The following ROBO1 variants were observed in gnomAD, a reference collection of about 807,000 sequenced individuals.
ROBO1 encodes the protein roundabout homolog 1.
A neutral mutation model predicts 195.9 loss-of-function variants in ROBO1; 149 were observed. The ratio of observed to expected loss-of-function variants is 0.76; its 90% CI spans 0.67 to 0.87. The LOEUF (loss-of-function observed/expected upper bound fraction) is 0.87. Ranked by LOEUF, ROBO1 falls within the 40% of genes least tolerant of loss-of-function variation. The pLI is 0.00. For missense variants in ROBO1, 1,933 were observed against 2,068.3 expected, an observed-to-expected ratio of 0.93 and a Z score of 1.27; for synonymous variants, 816 against 733.2, an observed-to-expected ratio of 1.11 and a Z score of -1.82.
At chr3:79,192,179 C>T (rs968275793) in intron 2 of ROBO1, among the ~76,000 whole-genome samples, 7 of 151,542 alleles carry the variant, frequency 4.6e-5, no homozygotes, top group African/African-American at 1.7e-4. Context: ...TAGTAGTAAT[C>T]TTTATGCTGC....
At chr3:78,950,756 C>T (rs2040735669) in intron 3 of ROBO1, among the ~76,000 whole-genome samples, 3 of 151,208 alleles carry the variant, frequency 2.0e-5, no homozygotes, top group African/African-American at 7.3e-5. Context: ...TCCCCATGCA[C>T]AGAATATCCA....
intron 1 of ROBO1, among the ~76,000 whole-genome samples, chr3:79,686,924 A>T (rs892829749): frequency 6.6e-5 from 10 of 152,200 alleles, no homozygotes; most frequent in Non-Finnish European, 1.5e-4. Context: ...ATCCTGAACC[A>T]AAAGAACAAA....
At chr3:79,060,494 T>G (rs1031730169) in intron 3 of ROBO1, among the ~76,000 whole-genome samples, 2 of 151,948 alleles carry the variant, frequency 1.3e-5, no homozygotes, top group Non-Finnish European at 2.9e-5. Flanking sequence ...AGCTGTAAAA[T>G]TTCTCTTTTT....
chr3:79,409,869 C>T (rs902195191), intron 2 of ROBO1, among the ~76,000 whole-genome samples: 2 of 152,100 alleles, frequency 1.3e-5, no homozygotes, highest in Admixed American at 1.3e-4. Context: ...ACTGGTTTAT[C>T]ACAATTGCTG....
intron 2 of ROBO1, among the ~76,000 whole-genome samples, chr3:79,350,520 A>G (rs192617143): frequency 3.3e-4 from 51 of 152,344 alleles, no homozygotes; most frequent in African/African-American, 9.6e-4. Flanking sequence ...ATAATAGAGA[A>G]AAGGTAGAAA....
chr3:79,433,857 T>C (rs533485858), intron 2 of ROBO1, among the ~76,000 whole-genome samples: 2 of 152,258 alleles, frequency 1.3e-5, no homozygotes, highest in Non-Finnish European at 2.9e-5. Flanking sequence ...AACAGAGATA[T>C]AGACCAATGG....
At chr3:78,955,726 C>T (rs534167916) in intron 3 of ROBO1, among the ~76,000 whole-genome samples, 3 of 152,170 alleles carry the variant, frequency 2.0e-5, no homozygotes, top group South Asian at 4.1e-4. Context: ...CTAATGTCTG[C>T]AAGATAGCAT....
At chr3:79,583,911 A>G (rs1943737243) in intron 2 of ROBO1, among the ~76,000 whole-genome samples, 1 of 152,026 alleles carries the variant, frequency 6.6e-6, no homozygotes, top group Non-Finnish European at 1.5e-5. Context: ...GAACATTTCT[A>G]TTGACTCTAG....
At chr3:79,074,145 A>C (rs1249771201) in intron 3 of ROBO1, among the ~76,000 whole-genome samples, 2 of 151,812 alleles carry the variant, frequency 1.3e-5, no homozygotes, top group East Asian at 3.9e-4. Flanking sequence ...GATCCCTTTC[A>C]GATTTGGAAA....
intron 5 of ROBO1, among the ~76,000 whole-genome samples, chr3:78,731,291 G>T (rs904437977): frequency 6.6e-6 from 1 of 152,074 alleles, no homozygotes; most frequent in African/African-American, 2.4e-5. Flanking sequence ...AGGATATACT[G>T]TTGGAACTTT....
intron 4 of ROBO1, among the ~76,000 whole-genome samples, chr3:78,852,885 T>C (rs2034157848): frequency 6.6e-6 from 1 of 152,192 alleles, no homozygotes; most frequent in African/African-American, 2.4e-5. Flanking sequence ...TATTGTGAGC[T>C]ATTTGGCCAA....
At chr3:79,674,806 A>G (rs59768298) in intron 1 of ROBO1, among the ~76,000 whole-genome samples, 4,251 of 150,550 alleles carry the variant, frequency 0.028, 154 homozygotes, top group African/African-American at 0.085. Flanking sequence ...GTATCTGGTA[A>G]TAGATCAATC....
At chr3:79,760,613 CA>C (rs55786186) in intron 1 of ROBO1, among the ~76,000 whole-genome samples, 13,429 of 143,990 alleles carry the variant, frequency 0.093, 720 homozygotes, top group Admixed American at 0.13. Flanking sequence ...CAATTCACAG[CA>C]AAAAAAAAAA....
At chr3:79,215,231 CAG>C (rs2082034350) in intron 2 of ROBO1, among the ~76,000 whole-genome samples, 1 of 152,056 alleles carries the variant, frequency 6.6e-6, no homozygotes, top group South Asian at 2.1e-4. Context: ...CAATAAGTCT[CAG>C]TGTTAAATCA....
chr3:79,137,144 C>A (rs1290196159), intron 2 of ROBO1, among the ~76,000 whole-genome samples: 1 of 152,008 alleles, frequency 6.6e-6, no homozygotes, highest in African/African-American at 2.4e-5. Flanking sequence ...GTGGACAATA[C>A]TTGTTAGAAA....
intron 4 of ROBO1, among the ~76,000 whole-genome samples, chr3:78,878,365 C>A (rs779048930): frequency 6.6e-6 from 1 of 152,058 alleles, no homozygotes; most frequent in Admixed American, 6.6e-5. Flanking sequence ...ACGGGTGGAT[C>A]TCCTGAGGTC....
At chr3:79,084,382 C>G (rs972672316) in intron 3 of ROBO1, among the ~76,000 whole-genome samples, 1 of 152,100 alleles carries the variant, frequency 6.6e-6, no homozygotes, top group African/African-American at 2.4e-5. Context: ...CCTGTAATCC[C>G]CGCTACTCAG....
At position 78,606,901 on chromosome 3, in the gene ROBO1, C is replaced by CT. The variant is rs754338809; in HGVS notation, c.4575dup (p.Gly1526ArgfsTer17). 1 of 1,613,852 alleles carries CT rather than the reference C, an allele frequency of 6.2e-7. No homozygotes were observed. Among genetic ancestry groups the CT allele is most frequent in the African/African-American group, 1.3e-5 (1 of 75,008 alleles). ...ACTTCTCTCCCCTTGTAACTGCTTC[C>CT]TTTTCTGTCTGATGATCTGTCTGTT... is the stretch of plus-strand genomic sequence containing the variant. On this transcript the variant is annotated frameshift_variant, in exon 29 of 31. Transcript: ENST00000464233. LOFTEE classifies it high-confidence loss of function.
chr3:79,031,471 C>G (rs2078294708), intron 3 of ROBO1, among the ~76,000 whole-genome samples: 1 of 152,138 alleles, frequency 6.6e-6, no homozygotes, highest in African/African-American at 2.4e-5. Context: ...TGCTTAGGTG[C>G]ATATGTAGAA....
Sources: gnomAD v4.1 joint callset for allele counts (sites outside exome capture counted in the v4.1 genomes callset) on GRCh38, gnomAD v4.1.1 for gene constraint, MANE v1.5 for transcripts, NCBI Gene and HGNC (gene_info 2026-07-23, HGNC 2026-07-21) for gene names.